HPGDS: variants seen among roughly 807,000 people sequenced by gnomAD.
HPGDS encodes GST class-sigma.
Under a neutral mutation model 23.1 loss-of-function variants are expected in HPGDS, and 26 were observed. The observed-to-expected ratio is 1.13, with a 90% CI of 0.83 to 1.56. HPGDS has a LOEUF of 1.56. HPGDS is among the 40% of genes most tolerant of loss of function. The pLI is 0.00. For synonymous variants in HPGDS, 95 were observed against 77.9 expected (o/e 1.22, Z -1.16); for missense variants, 268 against 236.4 (o/e 1.13, Z -0.88).
intron 2 of HPGDS, among the ~76,000 whole-genome samples, chr4:94,323,629 C>A (rs536481255): frequency 8.3e-4 from 126 of 152,218 alleles, no homozygotes; most frequent in African/African-American, 3.0e-3. Flanking sequence ...GATCTTCCTC[C>A]ATCCCTTTAT....
intron 3 of HPGDS, among the ~76,000 whole-genome samples, chr4:94,310,015 A>T (rs1050052880): frequency 6.6e-6 from 1 of 152,174 alleles, no homozygotes; most frequent in African/African-American, 2.4e-5. Flanking sequence ...AGTTCTTTAT[A>T]GATTCTGGAT....
At chr4:94,305,861 A>G (rs868707496) in intron 4 of HPGDS, among the ~76,000 whole-genome samples, 10 of 152,100 alleles carry the variant, frequency 6.6e-5, no homozygotes, top group African/African-American at 1.7e-4. Flanking sequence ...TGATGAGGCT[A>G]TGGGATCTAA....
chr4:94,322,570 C>G (rs1233596362), intron 2 of HPGDS, among the ~76,000 whole-genome samples: 2 of 152,284 alleles, frequency 1.3e-5, no homozygotes, highest in East Asian at 3.9e-4. Flanking sequence ...ATAGTATTCT[C>G]TGATGGTAGT....
At chr4:94,321,111 C>T (rs1756498505) in intron 2 of HPGDS, among the ~76,000 whole-genome samples, 1 of 152,080 alleles carries the variant, frequency 6.6e-6, no homozygotes, top group Non-Finnish European at 1.5e-5. Context: ...TGTTCTGTTC[C>T]ATTGGTCTAT....
intron 3 of HPGDS, among the ~76,000 whole-genome samples, chr4:94,316,223 A>G (rs758600055): frequency 2.6e-5 from 4 of 152,180 alleles, no homozygotes; most frequent in Non-Finnish European, 5.9e-5. Flanking sequence ...AGAGAAAGAG[A>G]CGAAAGAGAA....
intron 2 of HPGDS, among the ~76,000 whole-genome samples, chr4:94,322,579 G>A (rs1300964693): frequency 1.3e-5 from 2 of 152,132 alleles, no homozygotes; most frequent in Non-Finnish European, 2.9e-5. Context: ...TCTGATGGTA[G>A]TTTGTATTTC....
intron 4 of HPGDS, among the ~76,000 whole-genome samples, chr4:94,305,865 G>A (rs1756129622): frequency 1.3e-5 from 2 of 152,050 alleles, no homozygotes; most frequent in South Asian, 4.2e-4. Flanking sequence ...GAGGCTATGG[G>A]ATCTAAATTC....
intron 2 of HPGDS, among the ~76,000 whole-genome samples, chr4:94,327,855 G>A (rs746804548): frequency 6.6e-6 from 1 of 152,208 alleles, no homozygotes; most frequent in Non-Finnish European, 1.5e-5. Flanking sequence ...ATGTCAGAAG[G>A]GCTCCAGGGA....
chr4:94,306,763 A>T (rs570273853), intron 4 of HPGDS, among the ~76,000 whole-genome samples: 1 of 152,242 alleles, frequency 6.6e-6, no homozygotes, highest in South Asian at 2.1e-4. Flanking sequence ...ATGCTTTCTA[A>T]AAGTAATGCA....
At chr4:94,301,461 C>A (rs992162945) in intron 5 of HPGDS, among the ~76,000 whole-genome samples, 5 of 152,132 alleles carry the variant, frequency 3.3e-5, no homozygotes, top group Non-Finnish European at 5.9e-5. Flanking sequence ...TTCATGAAGA[C>A]AAACTTTTTC....
In HPGDS at chr4:94,299,392, G is replaced by T; in HGVS notation, c.*88C>A. On this transcript the variant is annotated 3_prime_UTR_variant, in exon 6 of 6. Coordinates refer to ENST00000295256, the MANE Select transcript of HPGDS (RefSeq NM_014485.3). ...CTTAGTGGAGCTGGGGAGGGAGCAT[G>T]TGGATTATCTGGCAGGCTGATGTAG... The T allele has an allele frequency of 8.6e-7, 1 of 1,168,632 alleles. No homozygotes were observed. The highest frequency in any genetic ancestry group is 1.2e-6 in the Non-Finnish European group (1 of 845,998). 72.4% of individuals were successfully genotyped at this position (1,168,632 alleles called of 1,614,324 possible). A position where few individuals can be genotyped will look rare whatever the true frequency, so the allele number is the denominator to read the frequency against.
At chr4:94,299,758 C>A (rs998073408) in intron 5 of HPGDS, 114 bp from the exon 6 acceptor site, 4 of 973,192 alleles carry the variant, frequency 4.1e-6, no homozygotes, top group Non-Finnish European at 6.0e-6. Context: ...CTTGTTATTA[C>A]AAAAGCAGAA....
intron 5 of HPGDS, among the ~76,000 whole-genome samples, chr4:94,300,141 A>G (rs1183190379): frequency 2.0e-5 from 3 of 152,300 alleles, no homozygotes; most frequent in Admixed American, 1.3e-4. Flanking sequence ...AGAATGTTCT[A>G]TCTTCAGGAC....
chr4:94,337,717 C>A (rs1355858697), intron 1 of HPGDS, among the ~76,000 whole-genome samples: 1 of 152,136 alleles, frequency 6.6e-6, no homozygotes, highest in Non-Finnish European at 1.5e-5. Flanking sequence ...GTTAAACATA[C>A]AACCTTTTCT....
At chr4:94,308,992 T>A (rs902856035) in intron 3 of HPGDS, among the ~76,000 whole-genome samples, 1 of 150,448 alleles carries the variant, frequency 6.6e-6, no homozygotes, top group Admixed American at 6.6e-5. Flanking sequence ...CTAGATATGC[T>A]TCCTCATCCC....
At position 94,302,217 on chromosome 4, in the gene HPGDS, A is replaced by T. The variant is rs1447433319; in HGVS notation, c.364T>A (p.Tyr122Asn). The stretch of plus-strand genomic sequence containing the variant: ...TCTTGCATAAGATGAGGCGCATTAT[A>T]CGTGAGCAGCTCATTGAACATCTGC... Reference protein sequence around the residue: ...KEQMFNELLTYNAPHLMQDLD... With the variant: ...KEQMFNELLTNNAPHLMQDLD... Residue 122 changes from tyrosine to asparagine, a missense_variant, in exon 5 of 6, where the codon TAT becomes AAT. Physicochemically the swap from Tyr to Asn is moderately radical, Grantham distance 143. Coordinates refer to ENST00000295256, the MANE Select transcript of HPGDS (RefSeq NM_014485.3). 6.2e-7 allele frequency: 1 copy of T among 1,612,428 alleles called. No individual in the cohort carries two copies. The highest frequency in any genetic ancestry group is 1.7e-5 in the Admixed American group (1 of 59,956).
At chr4:94,331,643 G>GT (rs1756738473) in intron 2 of HPGDS, among the ~76,000 whole-genome samples, 1 of 152,130 alleles carries the variant, frequency 6.6e-6, no homozygotes, top group Admixed American at 6.5e-5. Context: ...CCTTCTGATT[G>GT]TAGAGCAGGG....
chr4:94,340,970 C>T (rs1300886385), intron 1 of HPGDS, among the ~76,000 whole-genome samples: 17 of 151,380 alleles, frequency 1.1e-4, no homozygotes, highest in Admixed American at 1.1e-3. Flanking sequence ...CTCAGCCTCC[C>T]CAGTAGCTGG....
At position 94,299,636 on chromosome 4, in the gene HPGDS, C is replaced by T. The variant is rs1489052920; in HGVS notation, c.444G>A (p.Trp148Ter). The T allele has an allele frequency of 1.2e-6, 2 of 1,613,150 alleles. No homozygotes were observed. Among genetic ancestry groups the T allele is most frequent in the Admixed American group, 3.3e-5 (2 of 59,960 alleles). Residue 148 changes from tryptophan to a stop codon, truncating the protein, a stop_gained, in exon 6 of 6, where the codon TGG becomes TGA. Coordinates refer to ENST00000295256, the MANE Select transcript of HPGDS (RefSeq NM_014485.3). LOFTEE classifies it high-confidence loss of function. ...REWLIGNSVTWADFYWEICST... is the reference protein window; with the variant it reads ...REWLIGNSVT Reference sequence around the variant, plus strand: ...TGCAAATCTCCCAGTAGAAGTCTGCCCAAGTTACCTAGTTTAAAGGAAACA... The same window carrying T: ...TGCAAATCTCCCAGTAGAAGTCTGCTCAAGTTACCTAGTTTAAAGGAAACA...
Sources: gnomAD v4.1 joint callset for allele counts (sites outside exome capture counted in the v4.1 genomes callset) on GRCh38, gnomAD v4.1.1 for gene constraint, MANE v1.5 for transcripts, NCBI Gene and HGNC (gene_info 2026-07-23, HGNC 2026-07-21) for gene names.